The following PEAR1 variants were observed in gnomAD, a reference collection of about 807,000 sequenced individuals.
PEAR1 encodes the protein platelet endothelial aggregation receptor 1.
PEAR1 carries 113 observed loss-of-function variants against 131.2 expected under a neutral mutation model. The observed-to-expected ratio is 0.86, with a 90% CI of 0.74 to 1.01. The LOEUF (loss-of-function observed/expected upper bound fraction) is 1.01. Among genes scored for constraint, PEAR1 ranks in the 50% least tolerant of loss-of-function variants. The pLI is 0.00. For missense variants in PEAR1, 1,408 were observed against 1,391.1 expected (o/e 1.01, Z -0.19); for synonymous variants, 565 against 523.3 (o/e 1.08, Z -1.09).
At chr1:156,905,482 CCTACT>C in intron 4 of PEAR1, 58 bp downstream of exon 4, 1 of 1,463,646 alleles carries the variant, frequency 6.8e-7, no homozygotes, top group South Asian at 1.3e-5. Context: ...GGGAGCTTAG[CCTACT>C]CTTCTGAGTC....
At chr1:156,903,507 T>A (rs796813362) in intron 1 of PEAR1, among the ~76,000 whole-genome samples, 79 of 152,180 alleles carry the variant, frequency 5.2e-4, no homozygotes, top group African/African-American at 1.9e-3. Context: ...TGAAACGCAC[T>A]GGGTCCCTGC....
chr1:156,907,528 G>A (rs1650469170), intron 6 of PEAR1, 82 bp from the exon 7 acceptor site: 2 of 1,538,254 alleles, frequency 1.3e-6, no homozygotes, highest in South Asian at 2.6e-5. Context: ...TGAGGTGGGG[G>A]TTGTGGGGGC....
chr1:156,911,061 CTTTCTTTCTTTCTTT>C (rs1651038663), intron 15 of PEAR1, among the ~76,000 whole-genome samples: 1 of 111,006 alleles, frequency 9.0e-6, no homozygotes, highest in African/African-American at 5.9e-5. Flanking sequence ...TTCTTTCTTT[CTTTCTTTCTTTCTTT>C]CTTTCTTTCT....
chr1:156,908,166 A>G lies in PEAR1; in HGVS notation c.941A>G (p.Asp314Gly), dbSNP rs572362639. ...TGCCCGGTGGGCCGCTTTGGGCAGG[A>G]CTGTGCTGAGACGTGCGACTGCGCC... ...EECPVGRFGQDCAETCDCAPD... is the reference protein window; with the variant it reads ...EECPVGRFGQGCAETCDCAPD... Residue 314 changes from aspartate (D) to glycine (G), a missense_variant, in exon 9 of 23, where the codon GAC (aspartate) becomes GGC (glycine). Coordinates refer to ENST00000292357, the MANE Select transcript of PEAR1 (RefSeq NM_001080471.3). This position sits in a 1 kb window ranked among gnomAD's most constrained non-coding sequence, Gnocchi z 4.2. The G allele has an allele frequency of 1.2e-5, 19 of 1,604,030 alleles. No homozygotes were observed. The South Asian group carries it at 1.9e-4, about 16-fold the overall frequency.
intron 7 of PEAR1, 36 bp downstream of exon 7, chr1:156,907,766 G>A: frequency 1.9e-6 from 3 of 1,586,288 alleles, no homozygotes; most frequent in Non-Finnish European, 2.6e-6. Context: ...TGGGGTGTGG[G>A]TCTGGGGAGA....
At chr1:156,906,958 A>G (rs1650400903) in intron 6 of PEAR1, 78 bp downstream of exon 6, 1 of 1,508,632 alleles carries the variant, frequency 6.6e-7, no homozygotes, top group Non-Finnish European at 8.9e-7. Context: ...AAATGAGGTG[A>G]CTCAGACAGG....
Position 156,912,319 on chromosome 1 carries a change from C to A in PEAR1, c.2024C>A (p.Pro675His). The change falls in exon 16 of 23, where the codon CCC (proline) becomes CAC (histidine). Residue 675 changes from proline to histidine, a missense_variant. Transcript: ENST00000292357. ...CQCHHGGTCH[P>H]QDGSCICPLG... ...TGTCACCATGGTGGGACCTGCCATCCCCAGGATGGGAGCTGTATCTGCCCC... is the reference window on the plus strand; with the variant it reads ...TGTCACCATGGTGGGACCTGCCATCACCAGGATGGGAGCTGTATCTGCCCC... 2 of 1,614,034 alleles carry A rather than the reference C, an allele frequency of 1.2e-6. No homozygotes were observed. The highest frequency in any genetic ancestry group is 1.7e-6 in the Non-Finnish European group (2 of 1,179,982).
At chr1:156,900,176 C>G (rs904529853) in intron 1 of PEAR1, among the ~76,000 whole-genome samples, 4 of 152,110 alleles carry the variant, frequency 2.6e-5, no homozygotes, top group Admixed American at 2.0e-4. Context: ...GCTGCGCAGG[C>G]GGGACTGGGA....
chr1:156,904,395 A>C (rs1649998381), intron 2 of PEAR1, among the ~76,000 whole-genome samples: 1 of 152,202 alleles, frequency 6.6e-6, no homozygotes, highest in Admixed American at 6.5e-5. Flanking sequence ...CCCAGGGCAG[A>C]ATATAGCCGG....
rs376085689 is a variant in PEAR1 at position 156,894,660 on chromosome 1, A to G, written c.-10+823A>G. On this transcript the variant is annotated intron_variant, in intron 1 of 22. Transcript: ENST00000292357. The stretch of plus-strand genomic sequence containing the variant: ...GGGGTCCAGGAGCCCAGGCCCCAGC[A>G]AGGCAACCCTTCACCCCCACCCCCG... Among the ~76,000 whole-genome samples, 12 of 152,248 alleles carry G rather than the reference A, an allele frequency of 7.9e-5. No individual in the cohort carries two copies. In the East Asian group the frequency reaches 2.1e-3, roughly 27 times the overall value.
Position 156,913,221 on chromosome 1 carries a change from A to T in PEAR1, c.2450A>T (p.Tyr817Phe). 1 of 1,613,592 alleles carries T rather than the reference A, an allele frequency of 6.2e-7. No individual in the cohort carries two copies. The highest frequency in any genetic ancestry group is 8.5e-7 in the Non-Finnish European group (1 of 1,179,826). The change falls in exon 19 of 23, where the codon TAC becomes TTC. Residue 817 changes from tyrosine (Y) to phenylalanine (F), a missense_variant. Tyr to Phe is a conservative substitution (Grantham distance 22, BLOSUM62 3). Transcript: ENST00000292357. ...GTCCCTCCGAGCTACAGTCACTACT[A>T]CTCCAACCCCAGCTACCACACCCTG... ...PDVPPSYSHYYSNPSYHTLSQ... is the reference protein window; with the variant it reads ...PDVPPSYSHYFSNPSYHTLSQ...
chr1:156,915,049 C>A lies in PEAR1; in HGVS notation c.*251C>A. The A allele has an allele frequency of 2.2e-6, 1 of 453,554 alleles. No homozygotes were observed. The highest frequency in any genetic ancestry group is 3.9e-6 in the Non-Finnish European group (1 of 259,736). The allele number at this position is 453,554 out of a possible 1,614,324, so 28.1% of individuals were successfully genotyped here. ...GCCTCCAGGGCCCTGTGTACATAAA[C>A]TGGTGGGTTGGAAGTTGCTGGGTAA... On this transcript the variant is annotated 3_prime_UTR_variant, in exon 23 of 23. Transcript: ENST00000292357.
At chr1:156,906,242 T>G (rs772783675) in intron 4 of PEAR1, 34 bp from the exon 5 acceptor site, 4 of 1,598,814 alleles carry the variant, frequency 2.5e-6, no homozygotes, top group Non-Finnish European at 8.6e-7. Flanking sequence ...GGGGCAGGGG[T>G]GGACACATCT....
chr1:156,896,897 T>A (rs1332309929), intron 1 of PEAR1, among the ~76,000 whole-genome samples: 2 of 152,232 alleles, frequency 1.3e-5, no homozygotes, highest in African/African-American at 4.8e-5. Flanking sequence ...TTTTGCTTTG[T>A]AACGTTGAAA....
Position 156,904,036 on chromosome 1 carries a change from G to A in PEAR1, c.101+9G>A, listed in dbSNP as rs200947724. ...TGCAGCTTCTGGGAAAGGTGAGAGG[G>A]CCCCTGCTGCACCTTGAGGGCACCA... On this transcript the variant is annotated intron_variant, in intron 2 of 22. Transcript: ENST00000292357. 1.9e-6 allele frequency: 3 copies of A among 1,609,484 alleles called. No individual in the cohort carries two copies. Among genetic ancestry groups the A allele is most frequent in the Non-Finnish European group, 2.6e-6 (3 of 1,176,032 alleles).
chr1:156,894,145 C>T (rs1398244909), intron 1 of PEAR1, among the ~76,000 whole-genome samples: 4 of 152,210 alleles, frequency 2.6e-5, no homozygotes, highest in African/African-American at 9.6e-5. Context: ...TCAGGGGCAG[C>T]CTGGCTCACT....
chr1:156,896,561 C>T (rs937708468), intron 1 of PEAR1, among the ~76,000 whole-genome samples: 7 of 152,228 alleles, frequency 4.6e-5, no homozygotes, highest in Admixed American at 6.5e-5. Context: ...GAATCAGGAT[C>T]CCTGCAGGTG....
At chr1:156,904,959 TC>T (rs754425149) in intron 3 of PEAR1, 107 bp downstream of exon 3, 18 of 1,567,924 alleles carry the variant, frequency 1.1e-5, no homozygotes, top group Non-Finnish European at 1.6e-5. Flanking sequence ...CAGAGGAAAC[TC>T]CTGGCTTCTA....
chr1:156,912,494 G>A lies in PEAR1; in HGVS notation c.2081G>A (p.Gly694Asp), dbSNP rs754593492. Residue 694 changes from glycine to aspartate, a missense_variant and splice_region_variant, in exon 17 of 23, where the codon GGC becomes GAC. Gly to Asp is a moderately conservative substitution (Grantham distance 94, BLOSUM62 -1). Coordinates refer to ENST00000292357, the MANE Select transcript of PEAR1 (RefSeq NM_001080471.3). ...LGWTGHHCLEGCPLGTFGANC... is the reference protein window; with the variant it reads ...LGWTGHHCLEDCPLGTFGANC... ...CCTGCCTCCTTGGCTGTCTCCCCAG[G>A]CTGCCCTCTGGGGACATTTGGTGCT... 6.2e-7 allele frequency: 1 copy of A among 1,612,410 alleles called. No homozygotes were observed.
Sources: gnomAD v4.1 joint callset for allele counts (sites outside exome capture counted in the v4.1 genomes callset) on GRCh38, gnomAD v4.1.1 for gene constraint, Gnocchi (gnomAD v3.1) non-coding constraint, MANE v1.5 for transcripts, NCBI Gene and HGNC (gene_info 2026-07-23, HGNC 2026-07-21) for gene names.